ACER3: variants seen among roughly 807,000 people sequenced by gnomAD.
The protein encoded by ACER3 is alkaline ceramidase 3.
In ACER3, 16 loss-of-function variants were observed where a neutral mutation model predicts 48.9. The ratio of observed to expected loss-of-function variants is 0.33; its 90% CI spans 0.22 to 0.50. The LOEUF (loss-of-function observed/expected upper bound fraction) is 0.50. Ranked by LOEUF, ACER3 falls within the 20% of genes least tolerant of loss-of-function variation. ACER3 has a pLI of 0.98. For synonymous variants in ACER3, 109 were observed against 107.8 expected (o/e 1.01, Z -0.07); for missense variants, 227 against 326.0 (o/e 0.70, Z 2.34).
intron 4 of ACER3, among the ~76,000 whole-genome samples, chr11:76,977,016 A>G (rs1424347330): frequency 6.6e-6 from 1 of 152,232 alleles, no homozygotes; most frequent in Non-Finnish European, 1.5e-5. Flanking sequence ...AATAAATGCT[A>G]ATATGTAACT....
intron 1 of ACER3, among the ~76,000 whole-genome samples, chr11:76,892,665 CATTT>C (rs1490465991): frequency 6.6e-6 from 1 of 152,076 alleles, no homozygotes. Context: ...TAGCATAATT[CATTT>C]GAGAGATTTG....
At position 76,976,311 on chromosome 11, in the gene ACER3, T is replaced by C; in HGVS notation, c.290T>C (p.Ile97Thr). The C allele has an allele frequency of 6.2e-7, 1 of 1,606,504 alleles. No homozygotes were observed. The highest frequency in any genetic ancestry group is 8.5e-7 in the Non-Finnish European group (1 of 1,175,682). ...EMQLLDELPM[I>T]YSCCIFVYCM... ...CAGCTATTGGATGAACTCCCAATGA[T>C]ATACAGCTGTTGCATATTTGTGTAC... is the stretch of plus-strand genomic sequence containing the variant. Residue 97 changes from isoleucine to threonine, a missense_variant, in exon 4 of 11, where the codon ATA becomes ACA. By Grantham distance (89) the Ile-to-Thr change is moderately conservative. This residue lies in a region of ACER3 where 195 missense variants were observed against 290.8 expected (regional missense o/e 0.67). Coordinates refer to ENST00000532485, the MANE Select transcript of ACER3 (RefSeq NM_018367.7).
chr11:76,921,799 C>G (rs1946692159), intron 1 of ACER3, among the ~76,000 whole-genome samples: 1 of 152,158 alleles, frequency 6.6e-6, no homozygotes, highest in South Asian at 2.1e-4. Flanking sequence ...CAAATTATAT[C>G]TGTAACACCA....
rs150407670 is a variant in ACER3, at chr11:77,020,649, A to G, written c.*322A>G. On this transcript the variant is annotated 3_prime_UTR_variant, in exon 11 of 11. Transcript: ENST00000532485. ...TAACAGTTTGTGCTGGTTATAAGAA[A>G]TTAACCTTCTTTTCTTTTTGCCAAG... is the stretch of plus-strand genomic sequence containing the variant. 33 of 230,556 alleles carry G rather than the reference A, an allele frequency of 1.4e-4. No individual in the cohort carries two copies. The East Asian group carries it at 3.0e-3, about 21-fold the overall frequency. The allele number at this position is 230,556 out of a possible 1,614,324, so 14.3% of individuals were successfully genotyped here.
chr11:76,953,273 A>C (rs919644004), intron 2 of ACER3, among the ~76,000 whole-genome samples: 1 of 152,120 alleles, frequency 6.6e-6, no homozygotes, highest in Non-Finnish European at 1.5e-5. Flanking sequence ...GAATGAAAAC[A>C]ATCTTTTGGG....
At chr11:76,932,702 C>A (rs1947041645) in intron 2 of ACER3, among the ~76,000 whole-genome samples, 1 of 152,192 alleles carries the variant, frequency 6.6e-6, no homozygotes. Flanking sequence ...GCAACCCACA[C>A]TTTCAGCCTT....
chr11:76,986,949 G>A (rs763609170), intron 5 of ACER3, among the ~76,000 whole-genome samples: 2 of 151,944 alleles, frequency 1.3e-5, no homozygotes, highest in African/African-American at 2.4e-5. Context: ...CCCTGTAATC[G>A]CAGCTACTCA....
intron 10 of ACER3, 112 bp downstream of exon 10, chr11:77,019,888 C>T (rs1360971491): frequency 2.8e-6 from 3 of 1,088,310 alleles, no homozygotes; most frequent in Non-Finnish European, 4.2e-6. Context: ...CAAACACAGG[C>T]TTTGGAACCA....
At chr11:76,912,262 G>A (rs947328699) in intron 1 of ACER3, among the ~76,000 whole-genome samples, 14 of 152,156 alleles carry the variant, frequency 9.2e-5, no homozygotes, top group African/African-American at 2.7e-4. Flanking sequence ...GCAACCACCT[G>A]AAGCTGAGAG....
At chr11:76,894,893 G>A (rs913570241) in intron 1 of ACER3, among the ~76,000 whole-genome samples, 2 of 152,146 alleles carry the variant, frequency 1.3e-5, no homozygotes, top group African/African-American at 4.8e-5. Context: ...CTGCATGGAG[G>A]CCTGCTTCAT....
At chr11:76,952,354 G>GGTTC (rs1359759538) in intron 2 of ACER3, among the ~76,000 whole-genome samples, 5 of 150,862 alleles carry the variant, frequency 3.3e-5, no homozygotes, top group African/African-American at 1.2e-4. Flanking sequence ...CCGCCTCCCA[G>GGTTC]GTTCAAGGGA....
At position 76,953,546 on chromosome 11, in the gene ACER3, C is replaced by G. The variant is rs576562745; in HGVS notation, c.215-5433C>G. Among the ~76,000 whole-genome samples, 5 of 152,122 alleles carry G rather than the reference C, an allele frequency of 3.3e-5. No individual in the cohort carries two copies. In the South Asian group the frequency reaches 1.0e-3, roughly 32 times the overall value. On this transcript the variant is annotated intron_variant, in intron 2 of 10. Coordinates refer to ENST00000532485, the MANE Select transcript of ACER3 (RefSeq NM_018367.7). ...CTGGGAGGCGGAGGTTGCAGTGAGC[C>G]AAGATTGCGCCATTGCACTCCAGCC...
At chr11:76,875,547 C>T (rs550697737) in intron 1 of ACER3, among the ~76,000 whole-genome samples, 17 of 151,954 alleles carry the variant, frequency 1.1e-4, no homozygotes, top group Middle Eastern at 3.4e-3. Flanking sequence ...TATCACATAC[C>T]GATTCATTTT....
chr11:76,903,404 A>G (rs1466857552), intron 1 of ACER3, among the ~76,000 whole-genome samples: 1 of 151,912 alleles, frequency 6.6e-6, no homozygotes, highest in East Asian at 1.9e-4. Context: ...CAATTTAACA[A>G]TGAAATTGCC....
chr11:77,014,281 GCGCACCCAT>G (rs1167376767), intron 7 of ACER3, among the ~76,000 whole-genome samples: 1 of 152,138 alleles, frequency 6.6e-6, no homozygotes, highest in Non-Finnish European at 1.5e-5. Context: ...GTGTGTGCAT[GCGCACCCAT>G]CCACAATACC....
At chr11:76,973,970 T>C (rs1040205312) in intron 3 of ACER3, among the ~76,000 whole-genome samples, 1 of 152,252 alleles carries the variant, frequency 6.6e-6, no homozygotes, top group Admixed American at 6.5e-5. Flanking sequence ...AAACCATTTG[T>C]TGAAAAGACT....
intron 2 of ACER3, among the ~76,000 whole-genome samples, chr11:76,950,604 G>A (rs1283399019): frequency 6.6e-6 from 1 of 150,964 alleles, no homozygotes. Context: ...TGGGACCATA[G>A]GCGTGCACCA....
chr11:76,876,865 T>C (rs1945396778), intron 1 of ACER3, among the ~76,000 whole-genome samples: 1 of 152,206 alleles, frequency 6.6e-6, no homozygotes, highest in Non-Finnish European at 1.5e-5. Flanking sequence ...CTGTGCACTT[T>C]TTATTGTTCA....
At chr11:76,920,306 T>C (rs1946652079) in intron 1 of ACER3, among the ~76,000 whole-genome samples, 2 of 152,190 alleles carry the variant, frequency 1.3e-5, no homozygotes. Context: ...GGATTAGCTT[T>C]AGCTGGCACC....
Sources: gnomAD v4.1 joint callset for allele counts (sites outside exome capture counted in the v4.1 genomes callset) on GRCh38, gnomAD v4.1.1 for gene constraint, gnomAD v4.1.1 regional missense constraint, MANE v1.5 for transcripts, NCBI Gene and HGNC (gene_info 2026-07-23, HGNC 2026-07-21) for gene names.